Variants in VGLL4 observed in about 807,000 individuals in gnomAD.
VGLL4 encodes the protein transcription cofactor vestigial-like protein 4.
VGLL4 carries 7 observed loss-of-function variants against 21.0 expected under a neutral mutation model. The observed-to-expected ratio is 0.33, with a 90% CI of 0.19 to 0.63. VGLL4 has a LOEUF of 0.63. Ranked by LOEUF, VGLL4 falls within the 20% of genes least tolerant of loss-of-function variation. The probability of loss-of-function intolerance (pLI) is 0.78; values close to 1 mark genes in which losing one functional copy is unlikely to be tolerated. For missense variants in VGLL4, 394 were observed against 425.7 expected (o/e 0.93, Z 0.66); for synonymous variants, 222 against 173.2 (o/e 1.28, Z -2.21).
chr3:11,640,920 C>A (rs544860483), intron 1 of VGLL4, among the ~76,000 whole-genome samples: 5 of 152,162 alleles, frequency 3.3e-5, no homozygotes, highest in African/African-American at 1.2e-4. Flanking sequence ...GAGTTTGAAA[C>A]CAGCCTGCCC....
chr3:11,589,698 C>T (rs1470984088), intron 2 of VGLL4, among the ~76,000 whole-genome samples: 1 of 152,228 alleles, frequency 6.6e-6, no homozygotes, highest in East Asian at 1.9e-4. Context: ...GGCTGGCAGT[C>T]TGAGATTCGG....
At chr3:11,573,286 A>G (rs2073879106) in intron 2 of VGLL4, among the ~76,000 whole-genome samples, 1 of 10,408 alleles carries the variant, frequency 9.6e-5, no homozygotes, top group South Asian at 5.6e-3. Flanking sequence ...AAAGAAAGAA[A>G]GAAAGAAAGA....
At chr3:11,718,340 T>A (rs2076946107) in intron 1 of VGLL4, among the ~76,000 whole-genome samples, 1 of 152,228 alleles carries the variant, frequency 6.6e-6, no homozygotes, top group Admixed American at 6.5e-5. Flanking sequence ...AAATCCTTTA[T>A]TTAAATTGAG....
chr3:11,612,185 T>C (rs1358125249), intron 1 of VGLL4: 1 of 152,204 alleles, frequency 6.6e-6, no homozygotes, highest in African/African-American at 2.4e-5. Context: ...AAACTTGTTA[T>C]CACATCCACA....
Position 11,653,677 on chromosome 3 carries a change from A to G in VGLL4, c.64+49294T>C, listed in dbSNP as rs1274685114. On this transcript the variant is annotated intron_variant, in intron 2 of 5. Coordinates refer to the VGLL4 transcript ENST00000273038. The surrounding 1 kb of genome is among the most constrained non-coding windows in gnomAD (Gnocchi z 4.2). ...GCAGATACGCAGAAAGTGTATGTTCAGCTTAAGTAAATATTGCCAAATAGT... is the reference window on the plus strand; with the variant it reads ...GCAGATACGCAGAAAGTGTATGTTCGGCTTAAGTAAATATTGCCAAATAGT... Among the ~76,000 whole-genome samples the G allele has an allele frequency of 6.6e-6, 1 of 152,226 alleles. No individual in the cohort carries two copies. Among genetic ancestry groups the G allele is most frequent in the Admixed American group, 6.5e-5 (1 of 15,286 alleles).
chr3:11,636,293 A>G (rs1646464371), intron 1 of VGLL4, among the ~76,000 whole-genome samples: 1 of 152,236 alleles, frequency 6.6e-6, no homozygotes, highest in Admixed American at 6.5e-5. Context: ...TCAAACCATT[A>G]GAGTCTGGAA....
intron 2 of VGLL4, among the ~76,000 whole-genome samples, chr3:11,587,598 C>A (rs1032385787): frequency 2.0e-5 from 3 of 152,130 alleles, no homozygotes; most frequent in Admixed American, 2.0e-4. Context: ...TTGAAAAATA[C>A]CAGAACTGGT....
At chr3:11,682,994 G>A (rs1483852222) in intron 2 of VGLL4, among the ~76,000 whole-genome samples, 9 of 152,220 alleles carry the variant, frequency 5.9e-5, no homozygotes, top group South Asian at 2.1e-4. Context: ...TTGGGAGGCC[G>A]AGGTGGGCAG....
intron 2 of VGLL4, among the ~76,000 whole-genome samples, chr3:11,594,521 A>G (rs1232925848): frequency 6.6e-6 from 1 of 152,206 alleles, no homozygotes; most frequent in Non-Finnish European, 1.5e-5. Context: ...GTCTACACAC[A>G]CACAGGTGAC....
chr3:11,602,534 C>T (rs2074831933), intron 1 of VGLL4, among the ~76,000 whole-genome samples: 1 of 151,462 alleles, frequency 6.6e-6, no homozygotes, highest in African/African-American at 2.4e-5. Flanking sequence ...ACATTTGTAC[C>T]GAAAGTTAAA....
intron 2 of VGLL4, among the ~76,000 whole-genome samples, chr3:11,660,161 C>CA (rs527661591): frequency 2.2e-3 from 262 of 116,490 alleles, no homozygotes; most frequent in Middle Eastern, 4.7e-3. Flanking sequence ...GACTCCATCT[C>CA]AAAAAAAAAA....
Position 11,672,852 on chromosome 3 carries a change from C to T in VGLL4, c.64+30119G>A, listed in dbSNP as rs547326556. Among the ~76,000 whole-genome samples, 23 of 152,234 alleles carry T rather than the reference C, an allele frequency of 1.5e-4. No individual in the cohort carries two copies. In the South Asian group the frequency reaches 3.1e-3, roughly 21 times the overall value. On this transcript the variant is annotated intron_variant, in intron 2 of 5. Coordinates refer to the VGLL4 transcript ENST00000273038. ...AATAAAAGCTCTCTATTTATAAACA[C>T]GTACCTAAGAAGCTACTAATAAAAA...
intron 2 of VGLL4, among the ~76,000 whole-genome samples, chr3:11,596,506 G>A (rs1427030254): frequency 6.6e-6 from 1 of 152,182 alleles, no homozygotes; most frequent in South Asian, 2.1e-4. Flanking sequence ...TGGTGAACCA[G>A]GGAGATAGAG....
rs1289271801 is a variant in VGLL4, at chr3:11,602,002, C to T, written c.103G>A (p.Glu35Lys). ...ACCGGCAGGGTCTGTATTCTGGGTT[C>T]TCCCCTGAGAGCAGCTTCGCCTACG... ...CYEGEAALRG[E>K]PRIQTLPVAS... The change falls in exon 2 of 5, where the codon GAA becomes AAA. Residue 35 changes from glutamate (E) to lysine (K), a missense_variant. By Grantham distance (56) the Glu-to-Lys change is moderately conservative. Transcript: ENST00000430365. The T allele has an allele frequency of 6.3e-7, 1 of 1,581,596 alleles. No homozygotes were observed. The highest frequency in any genetic ancestry group is 1.9e-5 in the Admixed American group (1 of 51,994).
At chr3:11,626,325 C>T (rs1156358231) in intron 1 of VGLL4, 1 of 456,532 alleles carries the variant, frequency 2.2e-6, no homozygotes, top group East Asian at 7.0e-5. Context: ...AGCACACAAA[C>T]AGACCACACA....
chr3:11,582,222 G>T, intron 2 of VGLL4: 8 of 1,553,862 alleles, frequency 5.1e-6, no homozygotes, highest in Non-Finnish European at 6.2e-6. Flanking sequence ...GAAAATACAG[G>T]GTTGCCATCT....
At chr3:11,569,647 C>T (rs552205608) in intron 2 of VGLL4, among the ~76,000 whole-genome samples, 3 of 152,356 alleles carry the variant, frequency 2.0e-5, no homozygotes, top group East Asian at 1.9e-4. Flanking sequence ...TCTCTCCCAC[C>T]GCAGCAGTTA....
In VGLL4 at chr3:11,568,663, C is replaced by T. The variant is rs2073647177; in HGVS notation, c.273-3644G>A. On this transcript the variant is annotated intron_variant, in intron 2 of 4. Transcript: ENST00000430365. The surrounding 1 kb of genome is among the most constrained non-coding windows in gnomAD (Gnocchi z 5.9). ...CAAGACAGACATTGTTTTCCAGGCC[C>T]CGCTCGCCCGGATGAATCACCTCCC... is the stretch of plus-strand genomic sequence containing the variant. 1 of 1,558,996 alleles carries T rather than the reference C, an allele frequency of 6.4e-7. No homozygotes were observed. Among genetic ancestry groups the T allele is most frequent in the African/African-American group, 1.4e-5 (1 of 73,582 alleles).
intron 2 of VGLL4, chr3:11,702,850 C>T (rs1261166244): frequency 1.1e-6 from 1 of 883,408 alleles, no homozygotes; most frequent in Non-Finnish European, 1.6e-6. Context: ...TAAGGAAAAC[C>T]ACCAAAATTA....
Sources: allele counts gnomAD v4.1 joint callset (sites outside exome capture counted in the v4.1 genomes callset), GRCh38; gene constraint gnomAD v4.1.1; non-coding constraint Gnocchi (gnomAD v3.1); transcripts MANE v1.5; gene names NCBI Gene and HGNC (gene_info 2026-07-23, HGNC 2026-07-21).